ERBB4: variants seen among roughly 807,000 people sequenced by gnomAD.
ERBB4 encodes the protein erb-b2 receptor tyrosine kinase 4.
ERBB4 carries 42 observed loss-of-function variants against 158.0 expected under a neutral mutation model. That is an observed-to-expected ratio of 0.27 (90% confidence interval 0.21 to 0.34). ERBB4 has a LOEUF of 0.34. Among genes scored for constraint, ERBB4 ranks in the 10% least tolerant of loss-of-function variants. The probability of loss-of-function intolerance (pLI) is 1.00; values close to 1 mark genes in which losing one functional copy is unlikely to be tolerated. For synonymous variants in ERBB4, 583 were observed against 558.7 expected (o/e 1.04, Z -0.61); for missense variants, 1,333 against 1,624.1 (o/e 0.82, Z 3.08).
chr2:212,334,153 T>G (rs940892942), intron 1 of ERBB4, among the ~76,000 whole-genome samples: 1 of 152,048 alleles, frequency 6.6e-6, no homozygotes, highest in African/African-American at 2.4e-5. Context: ...TTGATGATAA[T>G]GTTAGCTAGA....
At chr2:211,989,774 A>G (rs1575480595) in intron 2 of ERBB4, among the ~76,000 whole-genome samples, 1 of 152,116 alleles carries the variant, frequency 6.6e-6, no homozygotes, top group South Asian at 2.1e-4. Flanking sequence ...ATGAGTCTTC[A>G]GTGAATGTTG....
At chr2:211,940,896 C>A (rs1012772617) in intron 3 of ERBB4, among the ~76,000 whole-genome samples, 25 of 152,266 alleles carry the variant, frequency 1.6e-4, no homozygotes, top group Non-Finnish European at 3.1e-4. Context: ...TCTAACGAAT[C>A]AGTTGTCTGA....
rs78979406 is a variant in ERBB4 at position 211,446,036 on chromosome 2, G to C, written c.2488-14936C>G. On this transcript the variant is annotated intron_variant, in intron 20 of 27. Transcript: ENST00000342788. ...GGAATCTGGAAGAGAACAAGATGGG[G>C]GGAGCTAATGTTTTCATACCAGTAT... is the stretch of plus-strand genomic sequence containing the variant. Among the ~76,000 whole-genome samples the C allele has an allele frequency of 5.0e-3, 759 of 152,312 alleles. 5 individuals are homozygous for C. Among genetic ancestry groups the C allele is most frequent in the African/African-American group, 0.017 (705 of 41,578 alleles).
intron 1 of ERBB4, among the ~76,000 whole-genome samples, chr2:212,456,900 T>A (rs1342594117): frequency 1.3e-5 from 2 of 151,978 alleles, no homozygotes; most frequent in African/African-American, 4.8e-5. Flanking sequence ...TGGCCTTTTT[T>A]CTCCCCTAAA....
intron 2 of ERBB4, among the ~76,000 whole-genome samples, chr2:211,996,575 G>A (rs1420723867): frequency 6.6e-6 from 1 of 152,106 alleles, no homozygotes; most frequent in Non-Finnish European, 1.5e-5. Flanking sequence ...CCCAAGCTAT[G>A]AGCATACTTG....
chr2:212,379,399 A>G (rs564893301), intron 1 of ERBB4, among the ~76,000 whole-genome samples: 2 of 151,780 alleles, frequency 1.3e-5, no homozygotes, highest in South Asian at 4.1e-4. Context: ...TCAAATATCT[A>G]CGAAATAAGA....
intron 1 of ERBB4, among the ~76,000 whole-genome samples, chr2:212,457,069 G>A (rs1296499250): frequency 6.6e-6 from 1 of 151,884 alleles, no homozygotes; most frequent in Non-Finnish European, 1.5e-5. Context: ...AACTTGAAAT[G>A]GTAAAACGGC....
At chr2:211,700,802 T>C (rs2073206298) in intron 12 of ERBB4, among the ~76,000 whole-genome samples, 1 of 152,174 alleles carries the variant, frequency 6.6e-6, no homozygotes. Context: ...AAGCAAATAC[T>C]GTGAGAGCAG....
chr2:211,875,384 T>G (rs2078473101), intron 3 of ERBB4, among the ~76,000 whole-genome samples: 1 of 152,160 alleles, frequency 6.6e-6, no homozygotes, highest in Non-Finnish European at 1.5e-5. Flanking sequence ...TTTAATTATT[T>G]CTCATACTTT....
intron 4 of ERBB4, among the ~76,000 whole-genome samples, chr2:211,772,955 A>ATATATATATATTTT (rs1553630145): frequency 1.2e-5 from 1 of 83,302 alleles, no homozygotes; most frequent in East Asian, 4.1e-4. Flanking sequence ...ATATATATAT[A>ATATATATATATTTT]TTTTTTTTTT....
intron 1 of ERBB4, among the ~76,000 whole-genome samples, chr2:212,366,155 A>G (rs1394799): frequency 0.13 from 20,333 of 151,868 alleles, 1,723 homozygotes; most frequent in African/African-American, 0.24. Context: ...GACCATTTAC[A>G]TGCTATTCAT....
intron 1 of ERBB4, among the ~76,000 whole-genome samples, chr2:212,537,008 A>G (rs1395359465): frequency 3.9e-5 from 6 of 152,106 alleles, no homozygotes; most frequent in Non-Finnish European, 1.5e-5. Context: ...GGGACCTGGT[A>G]TGCGTGAAGA....
intron 19 of ERBB4, among the ~76,000 whole-genome samples, chr2:211,565,623 C>T (rs1049636619): frequency 1.3e-5 from 2 of 152,050 alleles, no homozygotes; most frequent in African/African-American, 2.4e-5. Context: ...CCCCTTTAAC[C>T]GTCCCTACTA....
At chr2:212,117,455 T>A (rs2079604856) in intron 2 of ERBB4, among the ~76,000 whole-genome samples, 1 of 152,152 alleles carries the variant, frequency 6.6e-6, no homozygotes, top group South Asian at 2.1e-4. Flanking sequence ...ATTAGTGACA[T>A]GGAAGAAAAA....
chr2:212,274,785 T>A (rs1428999195), intron 1 of ERBB4, among the ~76,000 whole-genome samples: 2 of 151,988 alleles, frequency 1.3e-5, no homozygotes, highest in African/African-American at 4.8e-5. Context: ...TTAATTTTTT[T>A]ATTACACTTT....
At chr2:212,447,927 T>C (rs2092387389) in intron 1 of ERBB4, among the ~76,000 whole-genome samples, 1 of 152,108 alleles carries the variant, frequency 6.6e-6, no homozygotes, top group Admixed American at 6.5e-5. Flanking sequence ...AAAAAAGCTC[T>C]TCAAAAATTG....
At chr2:211,684,993 T>A (rs942039646) in intron 12 of ERBB4, among the ~76,000 whole-genome samples, 3 of 152,214 alleles carry the variant, frequency 2.0e-5, no homozygotes, top group Non-Finnish European at 4.4e-5. Context: ...TCAGAATATT[T>A]GTATATTACT....
intron 1 of ERBB4, among the ~76,000 whole-genome samples, chr2:212,179,723 T>C (rs576994406): frequency 2.6e-5 from 4 of 151,632 alleles, no homozygotes; most frequent in Non-Finnish European, 4.4e-5. Context: ...CTATAAATCA[T>C]AGATGATAGA....
chr2:212,373,787 A>ATATATATAT (rs1560145061), intron 1 of ERBB4, among the ~76,000 whole-genome samples: 1 of 97,658 alleles, frequency 1.0e-5, no homozygotes, highest in Non-Finnish European at 2.3e-5. Flanking sequence ...GTATATATCC[A>ATATATATAT]CGTATATATA....
Sources: gnomAD v4.1 joint callset for allele counts (sites outside exome capture counted in the v4.1 genomes callset) on GRCh38, gnomAD v4.1.1 for gene constraint, MANE v1.5 for transcripts, NCBI Gene and HGNC (gene_info 2026-07-23, HGNC 2026-07-21) for gene names.